The following ADGRV1 variants were observed in gnomAD, a reference collection of about 807,000 sequenced individuals.
ADGRV1 encodes the protein adhesion G protein-coupled receptor V1, also known as G-protein coupled receptor 98.
Under a neutral mutation model 596.2 loss-of-function variants are expected in ADGRV1, and 359 were observed. That is an observed-to-expected ratio of 0.60 (90% CI 0.55 to 0.66). The LOEUF (loss-of-function observed/expected upper bound fraction) is 0.66. Among genes scored for constraint, ADGRV1 ranks in the 30% least tolerant of loss-of-function variants. The pLI is 0.00. For missense variants in ADGRV1, 7,274 were observed against 7,575.6 expected (o/e 0.96, Z 1.48); for synonymous variants, 2,681 against 2,679.2 (o/e 1.00, Z -0.02).
chr5:90,640,702 T>TG (rs1259586326), intron 11 of ADGRV1: 1 of 152,506 alleles, frequency 6.6e-6, no homozygotes, highest in Non-Finnish European at 1.5e-5. Flanking sequence ...TACTAGCTCT[T>TG]GGGAAAAAAG....
intron 86 of ADGRV1, among the ~76,000 whole-genome samples, chr5:91,078,281 C>G (rs115964966): frequency 0.019 from 2,949 of 152,046 alleles, 37 homozygotes; most frequent in Non-Finnish European, 0.029. Context: ...AGTTGAGTGC[C>G]TTTTTTACTC....
chr5:90,756,581 T>C lies in ADGRV1; in HGVS notation c.11708T>C (p.Ile3903Thr), dbSNP rs1755855275. 1.2e-6 allele frequency: 2 copies of C among 1,613,628 alleles called. No individual in the cohort carries two copies. Among genetic ancestry groups the C allele is most frequent in the African/African-American group, 1.3e-5 (1 of 74,914 alleles). Residue 3903 changes from isoleucine to threonine, a missense_variant, in exon 56 of 90, where the codon ATA (isoleucine) becomes ACA (threonine). Ile to Thr is a moderately conservative substitution (Grantham distance 89). Transcript: ENST00000405460. Reference sequence around the variant, plus strand: ...GGAATGGAAATAGCTGAGATAATGATAGAAGAAAATGACGATCCCAGAGGA... The same window carrying C: ...GGAATGGAAATAGCTGAGATAATGACAGAAGAAAATGACGATCCCAGAGGA... ...RPGMEIAEIM[I>T]EENDDPRGIF...
chr5:90,586,994 T>C (rs568752582), intron 1 of ADGRV1, among the ~76,000 whole-genome samples: 63 of 152,292 alleles, frequency 4.1e-4, no homozygotes, highest in African/African-American at 1.4e-3. Context: ...AGGATAAATG[T>C]TTAATTCTTT....
Position 90,681,372 on chromosome 5 carries a change from A to T in ADGRV1, c.5582A>T (p.His1861Leu), listed in dbSNP as rs568577753. 1 of 1,613,904 alleles carries T rather than the reference A, an allele frequency of 6.2e-7. No homozygotes were observed. Among genetic ancestry groups the T allele is most frequent in the South Asian group, 1.1e-5 (1 of 91,088 alleles). ...LVTIAASDHA[H>L]GVFEFSPESL... ...ACAATTGCAGCCTCTGACCACGCTC[A>T]TGGCGTATTTGAATTTAGCCCTGAG... Residue 1861 changes from histidine to leucine, a missense_variant, in exon 27 of 90, where the codon CAT (histidine) becomes CTT (leucine). Physicochemically the swap from His to Leu is moderately conservative, Grantham distance 99. Coordinates refer to ENST00000405460, the MANE Select transcript of ADGRV1 (RefSeq NM_032119.4).
intron 53 of ADGRV1, among the ~76,000 whole-genome samples, chr5:90,753,027 TA>T (rs1274925267): frequency 6.6e-6 from 1 of 152,178 alleles, no homozygotes; most frequent in Non-Finnish European, 1.5e-5. Context: ...CCATGCTTTT[TA>T]GCAAATTTGG....
In ADGRV1 at chr5:90,745,668, A is replaced by G; in HGVS notation, c.10847A>G (p.Glu3616Gly). 1 of 1,612,828 alleles carries G rather than the reference A, an allele frequency of 6.2e-7. No homozygotes were observed. Among genetic ancestry groups the G allele is most frequent in the Non-Finnish European group, 8.5e-7 (1 of 1,179,082 alleles). Residue 3616 changes from glutamate (E) to glycine (G), a missense_variant, in exon 52 of 90, where the codon GAA (glutamate) becomes GGA (glycine). Physicochemically the swap from Glu to Gly is moderately conservative, Grantham distance 98 (BLOSUM62 -2). Coordinates refer to ENST00000405460, the MANE Select transcript of ADGRV1 (RefSeq NM_032119.4). ...AVNILDDTVPEKEESFKVQLK... is the reference protein window; with the variant it reads ...AVNILDDTVPGKEESFKVQLK... Reference sequence around the variant, plus strand: ...AATATCCTTGATGATACAGTTCCAGAAAAAGAAGAATCCTTCAAAGTTCAA... The same window carrying G: ...AATATCCTTGATGATACAGTTCCAGGAAAAGAAGAATCCTTCAAAGTTCAA...
intron 36 of ADGRV1, 96 bp downstream of exon 36, chr5:90,704,584 A>C: frequency 1.5e-6 from 1 of 689,328 alleles, no homozygotes; most frequent in Non-Finnish European, 2.5e-6. Flanking sequence ...ATGCATACCA[A>C]TTTTTAAAAT....
At chr5:90,667,124 G>A (rs956551938) in intron 21 of ADGRV1, among the ~76,000 whole-genome samples, 1,932 of 150,368 alleles carry the variant, frequency 0.013, 36 homozygotes, top group African/African-American at 0.043. Flanking sequence ...TCTTTGTGGC[G>A]TTCTCTGTAT....
chr5:90,821,486 G>A (rs921149966), intron 75 of ADGRV1, among the ~76,000 whole-genome samples: 3 of 151,386 alleles, frequency 2.0e-5, no homozygotes, highest in Non-Finnish European at 4.4e-5. Flanking sequence ...GAGGAGGAGA[G>A]GCGCTCTGCG....
chr5:91,051,957 T>G (rs923915796), intron 85 of ADGRV1, among the ~76,000 whole-genome samples: 2 of 152,212 alleles, frequency 1.3e-5, no homozygotes, highest in African/African-American at 4.8e-5. Context: ...ATATCCTGTT[T>G]ACGATATTCA....
chr5:90,774,313 A>C lies in ADGRV1; in HGVS notation c.12403+10A>C, dbSNP rs1757994359. 1 of 1,433,568 alleles carries C rather than the reference A, an allele frequency of 7.0e-7. No individual in the cohort carries two copies. Among genetic ancestry groups the C allele is most frequent in the Admixed American group, 1.7e-5 (1 of 59,118 alleles). The allele number at this position is 1,433,568 out of a possible 1,614,324, so 88.8% of individuals were successfully genotyped here. A position where few individuals can be genotyped will look rare whatever the true frequency, so the allele number is the denominator to read the frequency against. On this transcript the variant is annotated intron_variant, in intron 60 of 89. Coordinates refer to ENST00000405460, the MANE Select transcript of ADGRV1 (RefSeq NM_032119.4). ...ATATCTCCAGTAAAAGGTAAGAGAA[A>C]TTCACATTTTTGGAAATTAAAAAGT...
At chr5:90,833,284 A>G (rs1349677376) in intron 77 of ADGRV1, among the ~76,000 whole-genome samples, 3 of 151,946 alleles carry the variant, frequency 2.0e-5, no homozygotes, top group Non-Finnish European at 4.4e-5. Context: ...TGTTTTTCAT[A>G]GATTTGTTTT....
intron 69 of ADGRV1, 53 bp from the exon 70 acceptor site, chr5:90,790,820 G>T: frequency 3.5e-6 from 4 of 1,131,554 alleles, no homozygotes; most frequent in South Asian, 1.5e-5. Flanking sequence ...AAGGGAATTT[G>T]GTGCAATATA....
chr5:91,119,645 T>C (rs1793138384), intron 87 of ADGRV1, among the ~76,000 whole-genome samples: 4 of 152,338 alleles, frequency 2.6e-5, no homozygotes. Context: ...TTTCTTATCT[T>C]GACTTCAGGC....
intron 83 of ADGRV1, among the ~76,000 whole-genome samples, chr5:90,904,615 G>T (rs189810428): frequency 9.8e-4 from 148 of 151,776 alleles, no homozygotes; most frequent in African/African-American, 3.0e-3. Context: ...CTAGAGAGTT[G>T]TGTGAGCTCC....
At chr5:90,989,417 C>T (rs1780780774) in intron 85 of ADGRV1, among the ~76,000 whole-genome samples, 3 of 152,190 alleles carry the variant, frequency 2.0e-5, no homozygotes, top group Admixed American at 1.3e-4. Context: ...TTTCACCTTA[C>T]ACTCAATATT....
chr5:90,836,974 T>C (rs1765021588), intron 77 of ADGRV1, among the ~76,000 whole-genome samples: 1 of 152,230 alleles, frequency 6.6e-6, no homozygotes, highest in Non-Finnish European at 1.5e-5. Context: ...TGGATCAAGT[T>C]GTTATTCTGT....
chr5:91,115,338 T>G (rs1009573691), intron 87 of ADGRV1, among the ~76,000 whole-genome samples: 2 of 152,210 alleles, frequency 1.3e-5, no homozygotes, highest in South Asian at 2.1e-4. Context: ...TAACATATAC[T>G]GATTGCCTAC....
intron 84 of ADGRV1, among the ~76,000 whole-genome samples, chr5:90,972,043 G>A (rs941277838): frequency 6.6e-5 from 10 of 152,238 alleles, no homozygotes; most frequent in Admixed American, 2.0e-4. Flanking sequence ...AAAGGCAGAG[G>A]TTGCCATCCT....
Sources: gnomAD v4.1 joint callset for allele counts (sites outside exome capture counted in the v4.1 genomes callset) on GRCh38, gnomAD v4.1.1 for gene constraint, MANE v1.5 for transcripts, NCBI Gene and HGNC (gene_info 2026-07-23, HGNC 2026-07-21) for gene names.